Variants in NEK10 observed in about 807,000 individuals in gnomAD.
NEK10 encodes the protein serine/threonine-protein kinase Nek10.
A neutral mutation model predicts 159.8 loss-of-function variants in NEK10; 122 were observed. The ratio of observed to expected loss-of-function variants is 0.76; its 90% CI spans 0.66 to 0.89. The LOEUF (loss-of-function observed/expected upper bound fraction) is 0.89. Among genes scored for constraint, NEK10 ranks in the 40% least tolerant of loss-of-function variants. The pLI is 0.00. For missense variants in NEK10, 1,342 were observed against 1,323.1 expected, an observed-to-expected ratio of 1.01 and a Z score of -0.22; for synonymous variants, 466 against 457.1, an observed-to-expected ratio of 1.02 and a Z score of -0.25.
chr3:27,327,429 C>A (rs539975640), intron 5 of NEK10, among the ~76,000 whole-genome samples: 1 of 152,268 alleles, frequency 6.6e-6, no homozygotes, highest in East Asian at 1.9e-4. Context: ...TACATGGCAG[C>A]GTGATCAGCT....
At position 27,108,939 on chromosome 3, in the gene NEK10, G is replaced by A. The variant is rs1032718953; in HGVS notation, c.*2333C>T. Reference sequence around the variant, plus strand: ...TGGTAGTTTAGGGAGAATTCAAATAGAGCATATTCATACTTTTAGCAAAAC... The same window carrying A: ...TGGTAGTTTAGGGAGAATTCAAATAAAGCATATTCATACTTTTAGCAAAAC... On this transcript the variant is annotated 3_prime_UTR_variant, in exon 36 of 36. Transcript: ENST00000691995. Among the ~76,000 whole-genome samples, 3 of 152,172 alleles carry A rather than the reference G, an allele frequency of 2.0e-5. No homozygotes were observed. The highest frequency in any genetic ancestry group is 2.9e-5 in the Non-Finnish European group (2 of 68,024).
At chr3:27,263,057 T>A (rs2149359103) in intron 22 of NEK10, among the ~76,000 whole-genome samples, 1 of 152,336 alleles carries the variant, frequency 6.6e-6, no homozygotes, top group South Asian at 2.1e-4. Flanking sequence ...CAGCTGCAGG[T>A]CTGTTGGAGT....
At chr3:27,133,259 G>A (rs1942818748) in intron 31 of NEK10, among the ~76,000 whole-genome samples, 1 of 152,132 alleles carries the variant, frequency 6.6e-6, no homozygotes, top group Admixed American at 6.5e-5. Flanking sequence ...CGTTCAGCAT[G>A]ACTTAACCTT....
Position 27,174,721 on chromosome 3 carries a change from C to A in NEK10, c.2618G>T (p.Gly873Val), listed in dbSNP as rs567214967. The A allele has an allele frequency of 2.2e-5, 36 of 1,613,614 alleles. No individual in the cohort carries two copies. The highest frequency in any genetic ancestry group is 3.1e-5 in the Non-Finnish European group (36 of 1,179,852). ...LPPEGFQASY[G>V]KDEDRACDEI... ...GTCACAGGCCCTGTCTTCGTCTTTA[C>A]CATAGGAGGCCTGGAAGCCTTCAGG... Residue 873 changes from glycine (G) to valine (V), a missense_variant, in exon 27 of 36, where the codon GGT becomes GTT. Gly to Val is a moderately radical substitution (Grantham distance 109, BLOSUM62 -3). Transcript: ENST00000691995.
chr3:27,190,284 G>C (rs1352773710), intron 26 of NEK10, among the ~76,000 whole-genome samples: 2 of 151,982 alleles, frequency 1.3e-5, no homozygotes, highest in East Asian at 3.9e-4. Context: ...TATTTCTAAA[G>C]CTAAAATGAC....
intron 26 of NEK10, among the ~76,000 whole-genome samples, chr3:27,184,182 G>A (rs1948398409): frequency 6.6e-6 from 1 of 152,190 alleles, no homozygotes; most frequent in African/African-American, 2.4e-5. Flanking sequence ...GAAAACGTAA[G>A]TGTTCATCAA....
chr3:27,291,450 C>T (rs749331282), intron 17 of NEK10, 34 bp downstream of exon 17: 1 of 1,601,068 alleles, frequency 6.2e-7, no homozygotes, highest in Non-Finnish European at 8.6e-7. Context: ...GACTACATAG[C>T]AGCCTGCCAA....
At chr3:27,354,889 C>T (rs1162963159) in intron 1 of NEK10, among the ~76,000 whole-genome samples, 1 of 152,154 alleles carries the variant, frequency 6.6e-6, no homozygotes, top group Non-Finnish European at 1.5e-5. Flanking sequence ...AGTCATAACT[C>T]CCCAGGCACT....
chr3:27,319,263 C>G (rs1406407464), intron 6 of NEK10, among the ~76,000 whole-genome samples: 2 of 152,196 alleles, frequency 1.3e-5, no homozygotes, highest in African/African-American at 2.4e-5. Context: ...CGAGCTGTAA[C>G]TGAAATCTCA....
At chr3:27,205,628 A>G (rs1268810672) in intron 23 of NEK10, among the ~76,000 whole-genome samples, 1 of 139,752 alleles carries the variant, frequency 7.2e-6, no homozygotes, top group East Asian at 2.0e-4. Flanking sequence ...TATTTAATAA[A>G]TGGTGCTGGG....
intron 20 of NEK10, among the ~76,000 whole-genome samples, chr3:27,286,708 T>C (rs1442966840): frequency 6.6e-6 from 1 of 152,108 alleles, no homozygotes. Context: ...CAGTTCTTTT[T>C]GGAAGCTGTC....
Position 27,174,372 on chromosome 3 carries a change from A to G in NEK10, c.2776+67T>C. On this transcript the variant is annotated intron_variant, in intron 28 of 35. Coordinates refer to ENST00000691995, the MANE Select transcript of NEK10 (RefSeq NM_001394966.1). ...GTATATGGTGATATTTGCTTGACTCAAGTATGATTTCCAAACCACTGTCTT... is the reference window on the plus strand; with the variant it reads ...GTATATGGTGATATTTGCTTGACTCGAGTATGATTTCCAAACCACTGTCTT... 2.5e-6 allele frequency: 4 copies of G among 1,601,804 alleles called. No homozygotes were observed. In the South Asian group the frequency reaches 4.5e-5, roughly 18 times the overall value.
intron 13 of NEK10, among the ~76,000 whole-genome samples, chr3:27,300,739 T>C (rs2043748577): frequency 6.6e-6 from 1 of 152,096 alleles, no homozygotes; most frequent in South Asian, 2.1e-4. Context: ...CTAGAAACAC[T>C]CAGAGCTCTG....
chr3:27,246,631 T>C (rs965895834), intron 23 of NEK10, among the ~76,000 whole-genome samples: 4 of 152,172 alleles, frequency 2.6e-5, no homozygotes, highest in African/African-American at 9.7e-5. Context: ...TGCTATCAAA[T>C]ATTAGCTCTT....
At chr3:27,289,053 TC>T (rs2042815311) in intron 19 of NEK10, among the ~76,000 whole-genome samples, 1 of 152,156 alleles carries the variant, frequency 6.6e-6, no homozygotes, top group South Asian at 2.1e-4. Flanking sequence ...GGAATAGCCC[TC>T]CATGATCCTC....
At chr3:27,310,688 A>G in intron 9 of NEK10, 1 of 335,868 alleles carries the variant, frequency 3.0e-6, no homozygotes, top group South Asian at 1.0e-4. Context: ...AATAATATTT[A>G]AGTAATAAAC....
At chr3:27,240,451 T>TTAC (rs3035671) in intron 23 of NEK10, among the ~76,000 whole-genome samples, 39,216 of 151,898 alleles carry the variant, frequency 0.26, 5,178 homozygotes, top group Middle Eastern at 0.38. Flanking sequence ...AATCTCCCAA[T>TTAC]AATACATAAT....
chr3:27,349,323 T>C (rs1480598273), intron 3 of NEK10, among the ~76,000 whole-genome samples: 1 of 152,122 alleles, frequency 6.6e-6, no homozygotes, highest in African/African-American at 2.4e-5. Context: ...TAGAATGCCC[T>C]TTCTATCAAT....
At chr3:27,263,594 G>A (rs141763871) in intron 22 of NEK10, among the ~76,000 whole-genome samples, 3,076 of 152,276 alleles carry the variant, frequency 0.02, 107 homozygotes, top group African/African-American at 0.071. Context: ...GCGAGGCTCC[G>A]TGGGTATAGG....
Sources: gnomAD v4.1 joint callset for allele counts (sites outside exome capture counted in the v4.1 genomes callset) on GRCh38, gnomAD v4.1.1 for gene constraint, MANE v1.5 for transcripts, NCBI Gene and HGNC (gene_info 2026-07-23, HGNC 2026-07-21) for gene names.